The following KCTD5 variants were observed in gnomAD, a reference collection of about 807,000 sequenced individuals.
KCTD5 encodes BTB/POZ domain-containing protein KCTD5.
Under a neutral mutation model 27.9 loss-of-function variants are expected in KCTD5, and 12 were observed. The observed-to-expected ratio is 0.43, with a 90% confidence interval of 0.28 to 0.70. The LOEUF is 0.70. Among genes scored for constraint, KCTD5 ranks in the 30% least tolerant of loss-of-function variants. KCTD5 has a pLI of 0.19. For synonymous variants in KCTD5, 147 were observed against 121.4 expected (o/e 1.21, Z -1.39); for missense variants, 226 against 274.8 (o/e 0.82, Z 1.26).
chr16:2,701,742 C>T (rs1306597914), intron 4 of KCTD5, among the ~76,000 whole-genome samples: 2 of 152,224 alleles, frequency 1.3e-5, no homozygotes, highest in African/African-American at 4.8e-5. Flanking sequence ...TTTAATTTTC[C>T]CTTTAAAAGC....
chr16:2,682,644 C>A lies in KCTD5; in HGVS notation c.96C>A (p.Leu32=). 1 of 1,589,280 alleles carries A rather than the reference C, an allele frequency of 6.3e-7. No individual in the cohort carries two copies. The highest frequency in any genetic ancestry group is 1.1e-5 in the South Asian group (1 of 88,250). The change falls in exon 1 of 6, where the codon CTC becomes CTA. Residue 32 remains leucine, a synonymous_variant. Transcript: ENST00000301738. ...GGLCRRCSAG[L]GALAQRPGSV... ...TGTGCCGCCGCTGCAGCGCTGGGCT[C>A]GGCGCCCTGGCCCAGCGCCCTGGCA...
At chr16:2,707,188 G>A in intron 5 of KCTD5, 110 bp from the exon 6 acceptor site, 2 of 1,019,218 alleles carry the variant, frequency 2.0e-6, no homozygotes, top group Admixed American at 4.5e-5. Context: ...GGGTTCCCGG[G>A]GCTCCCCGAG....
intron 1 of KCTD5, among the ~76,000 whole-genome samples, chr16:2,691,866 C>T (rs534073183): frequency 2.0e-5 from 3 of 152,216 alleles, no homozygotes; most frequent in Non-Finnish European, 4.4e-5. Context: ...GCCTCCCCTG[C>T]CTTTGATGGC....
At chr16:2,690,724 C>G (rs562000720) in intron 1 of KCTD5, among the ~76,000 whole-genome samples, 10 of 152,352 alleles carry the variant, frequency 6.6e-5, no homozygotes, top group South Asian at 4.1e-4. Flanking sequence ...TTCCTCGTGT[C>G]ATGGGGGCTT....
At position 2,706,311 on chromosome 16, in the gene KCTD5, G is replaced by A. The variant is rs556449310; in HGVS notation, c.676-987G>A. Among the ~76,000 whole-genome samples, 17 of 152,328 alleles carry A rather than the reference G, an allele frequency of 1.1e-4. No homozygotes were observed. The South Asian group carries it at 1.7e-3, about 15-fold the overall frequency. On this transcript the variant is annotated intron_variant, in intron 5 of 5. Transcript: ENST00000301738. ...CCACTGCCCTCTCTCCGGTCAGTGCGGCATGGCAGTGACCTCTGGGAGGCT... is the reference window on the plus strand; with the variant it reads ...CCACTGCCCTCTCTCCGGTCAGTGCAGCATGGCAGTGACCTCTGGGAGGCT...
At position 2,688,009 on chromosome 16, in the gene KCTD5, G is replaced by A. The variant is rs374376687; in HGVS notation, c.252+5209G>A. On this transcript the variant is annotated intron_variant, in intron 1 of 5. Coordinates refer to ENST00000301738, the MANE Select transcript of KCTD5 (RefSeq NM_018992.4). ...CTGGGTTGGAATCTGCCCACCTCTG[G>A]CCTGCCTTATGACTTGGGGTGATTT... is the stretch of plus-strand genomic sequence containing the variant. 2.0e-4 allele frequency among the ~76,000 whole-genome samples: 31 copies of A among 151,918 alleles called. No homozygotes were observed. The East Asian group carries it at 2.3e-3, about 11-fold the overall frequency.
intron 1 of KCTD5, among the ~76,000 whole-genome samples, chr16:2,691,124 C>T (rs761386621): frequency 3.9e-5 from 6 of 152,310 alleles, no homozygotes; most frequent in Admixed American, 6.5e-5. Flanking sequence ...CAGGCCACAG[C>T]GAGACCCGAA....
At position 2,682,709 on chromosome 16, in the gene KCTD5, A is replaced by T; in HGVS notation, c.161A>T (p.Tyr54Phe). ...GTCCGACTCAACGTCGGCGGCACCTACTTCCTCACCACTCGGCAGACCCTG... is the reference window on the plus strand; with the variant it reads ...GTCCGACTCAACGTCGGCGGCACCTTCTTCCTCACCACTCGGCAGACCCTG... ...KWVRLNVGGT[Y>F]FLTTRQTLCR... Residue 54 changes from tyrosine (Y) to phenylalanine (F), a missense_variant, in exon 1 of 6, where the codon TAC becomes TTC. Around this residue, in one of 2 missense-constraint regions of KCTD5, gnomAD observed 135 missense variants for 207.0 expected, o/e 0.65. Transcript: ENST00000301738. The T allele has an allele frequency of 2.5e-6, 4 of 1,609,698 alleles. No individual in the cohort carries two copies. The highest frequency in any genetic ancestry group is 3.4e-6 in the Non-Finnish European group (4 of 1,178,608).
At chr16:2,692,768 T>C (rs1041199964) in intron 1 of KCTD5, among the ~76,000 whole-genome samples, 1 of 152,218 alleles carries the variant, frequency 6.6e-6, no homozygotes, top group Non-Finnish European at 1.5e-5. Flanking sequence ...CTGCCATACA[T>C]GGCGCCTGGG....
At chr16:2,688,243 A>ATATATATATT (rs1282831421) in intron 1 of KCTD5, among the ~76,000 whole-genome samples, 71 of 64,228 alleles carry the variant, frequency 1.1e-3, no homozygotes, top group African/African-American at 3.1e-3. Context: ...ATATATATAT[A>ATATATATATT]TATTTATTTA....
At chr16:2,697,880 A>G (rs1567195049) in intron 2 of KCTD5, 26 bp from the exon 3 acceptor site, 2 of 1,519,382 alleles carry the variant, frequency 1.3e-6, no homozygotes, top group Non-Finnish European at 1.8e-6. Context: ...GGTCTGGTAA[A>G]GACAATTTAT....
At chr16:2,690,228 C>T (rs1026761022) in intron 1 of KCTD5, among the ~76,000 whole-genome samples, 1 of 152,240 alleles carries the variant, frequency 6.6e-6, no homozygotes, top group Non-Finnish European at 1.5e-5. Context: ...GCTCTGTCTG[C>T]GGAGTCTTCC....
At position 2,707,542 on chromosome 16, in the gene KCTD5, C is replaced by T. The variant is rs1379420217; in HGVS notation, c.*215C>T. ...CCCCAAGTTGGGGGAGCACGGCGGCCGGGTGGGCGCTGCCTCTTGGGGGGG... is the reference window on the plus strand; with the variant it reads ...CCCCAAGTTGGGGGAGCACGGCGGCTGGGTGGGCGCTGCCTCTTGGGGGGG... On this transcript the variant is annotated 3_prime_UTR_variant, in exon 6 of 6. Coordinates refer to ENST00000301738, the MANE Select transcript of KCTD5 (RefSeq NM_018992.4). 1.1e-5 allele frequency: 7 copies of T among 660,382 alleles called. No individual in the cohort carries two copies. Among genetic ancestry groups the T allele is most frequent in the Non-Finnish European group, 1.9e-5 (7 of 364,978 alleles). The allele number at this position is 660,382 out of a possible 1,614,324, so 40.9% of individuals were successfully genotyped here. A position where few individuals can be genotyped will look rare whatever the true frequency, so the allele number is the denominator to read the frequency against.
intron 4 of KCTD5, among the ~76,000 whole-genome samples, chr16:2,701,617 C>T (rs944671170): frequency 4.6e-5 from 7 of 152,080 alleles, no homozygotes; most frequent in African/African-American, 9.7e-5. Flanking sequence ...GCTGCTCTCC[C>T]GGCCGTTGGT....
intron 5 of KCTD5, 61 bp from the exon 6 acceptor site, chr16:2,707,237 C>G (rs542484914): frequency 6.5e-7 from 1 of 1,533,364 alleles, no homozygotes; most frequent in African/African-American, 1.4e-5. Flanking sequence ...CTGGAGCAGG[C>G]GCCTGGTCAG....
In KCTD5 at chr16:2,682,637, C is replaced by G. The variant is rs776013971; in HGVS notation, c.89C>G (p.Ala30Gly). ...GGCGGCCTGTGCCGCCGCTGCAGCGCTGGGCTCGGCGCCCTGGCCCAGCGC... is the reference window on the plus strand; with the variant it reads ...GGCGGCCTGTGCCGCCGCTGCAGCGGTGGGCTCGGCGCCCTGGCCCAGCGC... ...LGGGLCRRCS[A>G]GLGALAQRPG... is the part of the protein sequence containing the mutation. The change falls in exon 1 of 6, where the codon GCT becomes GGT. Residue 30 changes from alanine to glycine, a missense_variant. Coordinates refer to ENST00000301738, the MANE Select transcript of KCTD5 (RefSeq NM_018992.4). 5.7e-6 allele frequency: 9 copies of G among 1,583,630 alleles called. No homozygotes were observed. The highest frequency in any genetic ancestry group is 1.4e-5 in the African/African-American group (1 of 71,776).
intron 1 of KCTD5, 200 bp downstream of exon 1, chr16:2,683,000 C>T (rs2067525417): frequency 1.7e-6 from 1 of 574,148 alleles, no homozygotes. Flanking sequence ...AGGATGGCGC[C>T]CTGGCGTCCA....
rs1391238857 is a variant in KCTD5, at chr16:2,697,902, C to A, written c.362-4C>A. On this transcript the variant is annotated splice_region_variant and splice_polypyrimidine_tract_variant and intron_variant, in intron 2 of 5. Coordinates refer to ENST00000301738, the MANE Select transcript of KCTD5 (RefSeq NM_018992.4). The stretch of plus-strand genomic sequence containing the variant: ...TAAAGACAATTTATTTTTCCTTATT[C>A]CAGGAGTGTTGGAGGAAGCAGAATT... The A allele has an allele frequency of 1.9e-6, 3 of 1,587,110 alleles. No individual in the cohort carries two copies. Among genetic ancestry groups the A allele is most frequent in the Admixed American group, 3.3e-5 (2 of 59,800 alleles).
intron 1 of KCTD5, among the ~76,000 whole-genome samples, chr16:2,688,036 G>A (rs1010775376): frequency 6.6e-6 from 1 of 151,662 alleles, no homozygotes; most frequent in South Asian, 2.1e-4. Context: ...GGGTGATTTC[G>A]TGCCCCTGTG....
Sources: gnomAD v4.1 joint callset for allele counts (sites outside exome capture counted in the v4.1 genomes callset) on GRCh38, gnomAD v4.1.1 for gene constraint, gnomAD v4.1.1 regional missense constraint, MANE v1.5 for transcripts, NCBI Gene and HGNC (gene_info 2026-07-23, HGNC 2026-07-21) for gene names.